ASAP1: variants seen among roughly 807,000 people sequenced by gnomAD.
ASAP1 encodes the protein arf-GAP with SH3 domain, ANK repeat and PH domain-containing protein 1.
ASAP1 carries 43 observed loss-of-function variants against 145.2 expected under a neutral mutation model. The ratio of observed to expected loss-of-function variants is 0.30; its 90% CI spans 0.23 to 0.38. ASAP1 has a LOEUF of 0.38. Ranked by LOEUF, ASAP1 falls within the 10% of genes least tolerant of loss-of-function variation. The pLI is 1.00. For synonymous variants in ASAP1, 546 were observed against 515.5 expected (o/e 1.06, Z -0.80); for missense variants, 1,018 against 1,355.3 (o/e 0.75, Z 3.91).
chr8:130,107,283 C>T (rs1450284081), intron 24 of ASAP1, among the ~76,000 whole-genome samples: 2 of 148,618 alleles, frequency 1.3e-5, no homozygotes, highest in Admixed American at 6.8e-5. Flanking sequence ...CCCGGGTTCA[C>T]GCCATTCTCC....
chr8:130,274,080 T>A (rs1464636297), intron 3 of ASAP1, among the ~76,000 whole-genome samples: 1 of 152,236 alleles, frequency 6.6e-6, no homozygotes, highest in African/African-American at 2.4e-5. Context: ...TTGCAATAAA[T>A]TCCTTTAGAA....
chr8:130,320,541 G>T (rs1480588033), intron 3 of ASAP1, among the ~76,000 whole-genome samples: 1 of 151,454 alleles, frequency 6.6e-6, no homozygotes, highest in Non-Finnish European at 1.5e-5. Flanking sequence ...GTCAGATCTT[G>T]TCTAAAAAAA....
chr8:130,121,784 C>CAA (rs56996962), intron 18 of ASAP1, among the ~76,000 whole-genome samples: 2,088 of 25,386 alleles, frequency 0.082, 606 homozygotes, highest in Non-Finnish European at 0.14. Flanking sequence ...AATTCCATCT[C>CAA]AAAAAAAAAA....
intron 9 of ASAP1, among the ~76,000 whole-genome samples, chr8:130,172,164 T>C (rs1470967670): frequency 2.6e-5 from 4 of 152,218 alleles, no homozygotes; most frequent in Non-Finnish European, 5.9e-5. Flanking sequence ...GCAGTTAGCA[T>C]GTGCTCAAGA....
intron 1 of ASAP1, among the ~76,000 whole-genome samples, chr8:130,403,301 T>TTTA (rs60441663): frequency 6.6e-6 from 1 of 150,994 alleles, no homozygotes; most frequent in African/African-American, 2.4e-5. Context: ...TGTTTTTTTT[T>TTTA]AAAAAACCCA....
chr8:130,069,940 G>A (rs1336818051), intron 27 of ASAP1, among the ~76,000 whole-genome samples: 2 of 152,208 alleles, frequency 1.3e-5, no homozygotes, highest in Admixed American at 1.3e-4. Context: ...TGGTCTGGGG[G>A]TGAAGAAGTT....
intron 4 of ASAP1, among the ~76,000 whole-genome samples, chr8:130,230,508 A>C (rs1440474412): frequency 7.9e-5 from 12 of 152,054 alleles, no homozygotes; most frequent in Non-Finnish European, 1.8e-4. Context: ...CTTTGGGGGA[A>C]AAAAACCCCT....
chr8:130,109,529 G>A (rs1013683915), intron 24 of ASAP1, among the ~76,000 whole-genome samples: 1 of 152,092 alleles, frequency 6.6e-6, no homozygotes, highest in Admixed American at 6.5e-5. Context: ...TTGAGGAAAT[G>A]ACTTCTGCTG....
intron 25 of ASAP1, among the ~76,000 whole-genome samples, chr8:130,090,319 T>C (rs2097502870): frequency 6.6e-6 from 1 of 151,976 alleles, no homozygotes; most frequent in Non-Finnish European, 1.5e-5. Flanking sequence ...GGAAAGGAGG[T>C]TAATTTGTGA....
chr8:130,192,419 C>T (rs558861504), intron 5 of ASAP1, among the ~76,000 whole-genome samples: 1 of 152,234 alleles, frequency 6.6e-6, no homozygotes, highest in Admixed American at 6.5e-5. Flanking sequence ...GGTTGAGCAA[C>T]ACTAACTGGG....
intron 5 of ASAP1, among the ~76,000 whole-genome samples, chr8:130,190,369 T>C (rs1443845360): frequency 6.6e-6 from 1 of 152,214 alleles, no homozygotes; most frequent in South Asian, 2.1e-4. Context: ...CTTCTAAATA[T>C]GGATATCCAA....
intron 4 of ASAP1, among the ~76,000 whole-genome samples, chr8:130,233,820 G>A (rs572797513): frequency 1.3e-5 from 2 of 152,292 alleles, no homozygotes; most frequent in South Asian, 2.1e-4. Flanking sequence ...GAATATAATA[G>A]GTGCTCAATA....
chr8:130,417,464 G>C (rs185422758), intron 1 of ASAP1, among the ~76,000 whole-genome samples: 1 of 152,154 alleles, frequency 6.6e-6, no homozygotes, highest in Admixed American at 6.5e-5. Flanking sequence ...TTCTTGGCTC[G>C]CTCTGACACA....
At chr8:130,187,208 C>T (rs751783727) in intron 7 of ASAP1, 28 bp downstream of exon 7, 2 of 1,575,338 alleles carry the variant, frequency 1.3e-6, no homozygotes, top group Admixed American at 3.9e-5. Context: ...AAAAAACAAA[C>T]AAAAACTCTA....
chr8:130,382,324 C>T (rs1226438997), intron 2 of ASAP1, among the ~76,000 whole-genome samples: 3 of 146,728 alleles, frequency 2.0e-5, no homozygotes, highest in African/African-American at 7.4e-5. Context: ...TTAAAGATAT[C>T]ACCTTGTTCA....
At chr8:130,321,107 A>G (rs886658895) in intron 3 of ASAP1, among the ~76,000 whole-genome samples, 8 of 152,186 alleles carry the variant, frequency 5.3e-5, no homozygotes, top group Admixed American at 3.3e-4. Context: ...AATCTTTGGC[A>G]TATTAAGCTA....
At chr8:130,401,469 T>C (rs2138571690) in intron 2 of ASAP1, among the ~76,000 whole-genome samples, 1 of 152,214 alleles carries the variant, frequency 6.6e-6, no homozygotes, top group Middle Eastern at 3.4e-3. Flanking sequence ...GGTTTCGAGC[T>C]CCTGACCTCA....
In ASAP1 at chr8:130,253,430, C is replaced by T. The variant is rs77404791; in HGVS notation, c.187-16436G>A. 3.7e-3 allele frequency among the ~76,000 whole-genome samples: 559 copies of T among 152,114 alleles called. 3 individuals are homozygous for T. The highest frequency in any genetic ancestry group is 0.013 in the African/African-American group (532 of 41,490). On this transcript the variant is annotated intron_variant, in intron 3 of 29. Transcript: ENST00000518721. ...ATGCATACGCTTTGATTTTTTTCCC[C>T]AAAGTTCCCAACAGATACATAGTTA...
chr8:130,121,364 C>A (rs1460569688), intron 18 of ASAP1, among the ~76,000 whole-genome samples: 1 of 152,186 alleles, frequency 6.6e-6, no homozygotes, highest in Non-Finnish European at 1.5e-5. Flanking sequence ...TTAGCACCAT[C>A]CCTGACCTCT....
Sources: allele counts gnomAD v4.1 joint callset (sites outside exome capture counted in the v4.1 genomes callset), GRCh38; gene constraint gnomAD v4.1.1; transcripts MANE v1.5; gene names NCBI Gene and HGNC (gene_info 2026-07-23, HGNC 2026-07-21).